Variants in CLPP observed in about 807,000 individuals in gnomAD.
CLPP encodes the protein caseinolytic mitochondrial matrix peptidase proteolytic subunit.
CLPP carries 14 observed loss-of-function variants against 27.4 expected under a neutral mutation model. The observed-to-expected ratio is 0.51, with a 90% CI of 0.34 to 0.80. The LOEUF (loss-of-function observed/expected upper bound fraction) is 0.80, where lower values mean the gene tolerates loss of function less well. Ranked by LOEUF, CLPP falls within the 30% of genes least tolerant of loss-of-function variation. The probability of loss-of-function intolerance (pLI) is 0.02; values close to 1 mark genes in which losing one functional copy is unlikely to be tolerated. For missense variants in CLPP, 361 were observed against 403.6 expected, an observed-to-expected ratio of 0.89 and a Z score of 0.90; for synonymous variants, 193 against 166.6, an observed-to-expected ratio of 1.16 and a Z score of -1.22.
In CLPP at chr19:6,368,899, C is replaced by A. The variant is rs2145055865; in HGVS notation, c.*189C>A. 3.3e-6 allele frequency: 2 copies of A among 603,068 alleles called. No individual in the cohort carries two copies. Among genetic ancestry groups the A allele is most frequent in the South Asian group, 4.0e-5 (2 of 49,936 alleles). The allele number at this position is 603,068 out of a possible 1,614,324, so 37.4% of individuals were successfully genotyped here. A position where few individuals can be genotyped will look rare whatever the true frequency, so the allele number is the denominator to read the frequency against. On this transcript the variant is annotated 3_prime_UTR_variant, in exon 6 of 6. Transcript: ENST00000245816. Reference sequence around the variant, plus strand: ...TGATTTTAAATTAAATCTTTGTGGTCTTTGCTCTGCGTCTGGGACACCCTC... The same window carrying A: ...TGATTTTAAATTAAATCTTTGTGGTATTTGCTCTGCGTCTGGGACACCCTC...
chr19:6,369,278 G>C lies in CLPP; in HGVS notation c.*568G>C, dbSNP rs1436798901. ...TCTACTAAAAATACAAAAATTAGCC[G>C]AGCGTGGTGCACCTGTAATCCCAGC... On this transcript the variant is annotated 3_prime_UTR_variant, in exon 6 of 6. Coordinates refer to ENST00000245816, the MANE Select transcript of CLPP (RefSeq NM_006012.4). Among the ~76,000 whole-genome samples the C allele has an allele frequency of 6.6e-6, 1 of 151,994 alleles. No homozygotes were observed. The highest frequency in any genetic ancestry group is 1.5e-5 in the Non-Finnish European group (1 of 68,014).
rs1261908393 is a variant in CLPP, at chr19:6,368,850, C to T, written c.*140C>T. On this transcript the variant is annotated 3_prime_UTR_variant, in exon 6 of 6. Coordinates refer to ENST00000245816, the MANE Select transcript of CLPP (RefSeq NM_006012.4). ...AATTTGCAGGGGTGCCCGCTATGGA[C>T]GGGGCATTCCAGCTGAGACACTGTG... 22 of 690,858 alleles carry T rather than the reference C, an allele frequency of 3.2e-5. No homozygotes were observed. Among genetic ancestry groups the T allele is most frequent in the Middle Eastern group, 4.1e-4 (1 of 2,458 alleles). 42.8% of individuals were successfully genotyped at this position (690,858 alleles called of 1,614,324 possible). A position where few individuals can be genotyped will look rare whatever the true frequency, so the allele number is the denominator to read the frequency against.
chr19:6,362,395 ACT>A (rs752524972), intron 2 of CLPP, 49 bp from the exon 3 acceptor site: 63 of 1,340,776 alleles, frequency 4.7e-5, no homozygotes, highest in African/African-American at 2.4e-4. Context: ...CTCCCTTAAA[ACT>A]CTCTCCCCAC....
At chr19:6,366,186 C>T (rs745811744) in intron 4 of CLPP, 72 bp from the exon 5 acceptor site, 1 of 1,039,762 alleles carries the variant, frequency 9.6e-7, no homozygotes, top group Non-Finnish European at 1.5e-6. Flanking sequence ...CTGAGTGCCA[C>T]CTCCAGCCTC....
intron 3 of CLPP, 121 bp from the exon 4 acceptor site, chr19:6,364,329 CAT>C (rs2091850800): frequency 2.3e-6 from 2 of 882,994 alleles, no homozygotes; most frequent in Non-Finnish European, 3.4e-6. Flanking sequence ...AGCGCCCAGT[CAT>C]ATTAATTTTT....
Position 6,369,189 on chromosome 19 carries a change from G to A in CLPP, c.*479G>A, listed in dbSNP as rs775501220. 3.9e-5 allele frequency among the ~76,000 whole-genome samples: 6 copies of A among 152,166 alleles called. No individual in the cohort carries two copies. The highest frequency in any genetic ancestry group is 7.2e-5 in the African/African-American group (3 of 41,442). On this transcript the variant is annotated 3_prime_UTR_variant, in exon 6 of 6. Coordinates refer to ENST00000245816, the MANE Select transcript of CLPP (RefSeq NM_006012.4). ...TGTAATCCCAGCACTTTGGGAGCCCGAGGCAGGCGGATCATGAGGTCAGGA... is the reference window on the plus strand; with the variant it reads ...TGTAATCCCAGCACTTTGGGAGCCCAAGGCAGGCGGATCATGAGGTCAGGA...
rs1382873137 is a variant in CLPP at position 6,361,704 on chromosome 19, C to T, written c.130C>T (p.Leu44=). The T allele has an allele frequency of 2.7e-6, 4 of 1,503,810 alleles. No individual in the cohort carries two copies. The highest frequency in any genetic ancestry group is 2.5e-5 in the South Asian group (2 of 78,634). The allele number at this position is 1,503,810 out of a possible 1,614,324, so 93.2% of individuals were successfully genotyped here. A position where few individuals can be genotyped will look rare whatever the true frequency, so the allele number is the denominator to read the frequency against. ...PQRTLQNGLA[L]QRCLHATATR... The stretch of plus-strand genomic sequence containing the variant: ...GCGGACACTCCAGAACGGCCTGGCC[C>T]TGCAGCGGTGCCTGCACGCGACGGC... Residue 44 remains leucine, a synonymous_variant, in exon 1 of 6, where the codon CTG becomes TTG. Transcript: ENST00000245816.
chr19:6,367,389 A>C (rs2091867981), intron 5 of CLPP, among the ~76,000 whole-genome samples: 1 of 151,970 alleles, frequency 6.6e-6, no homozygotes, highest in Admixed American at 6.6e-5. Context: ...AAAAAAAAAA[A>C]AAAAAAGTGA....
In CLPP at chr19:6,369,383, T is replaced by C. The variant is rs8109609; in HGVS notation, c.*673T>C. On this transcript the variant is annotated 3_prime_UTR_variant, in exon 6 of 6. Coordinates refer to ENST00000245816, the MANE Select transcript of CLPP (RefSeq NM_006012.4). ...GTGAGCAGGATCACGCCACTGCCCT[T>C]TAGCCTGGGCAACAGAGCAAGGCTC... Among the ~76,000 whole-genome samples the C allele has an allele frequency of 0.33, 49,784 of 149,950 alleles. 14,013 individuals carry two copies. The highest frequency in any genetic ancestry group is 0.77 in the African/African-American group (31,298 of 40,698).
rs1315767577 is a variant in CLPP, at chr19:6,362,550, G to A, written c.367+8G>A. Reference sequence around the variant, plus strand: ...TGTACATCAACAGCCCTGGTGAGCAGGGTCTTTCCTGGGTGCCAGGGGCAC... The same window carrying A: ...TGTACATCAACAGCCCTGGTGAGCAAGGTCTTTCCTGGGTGCCAGGGGCAC... On this transcript the variant is annotated splice_region_variant and intron_variant, in intron 3 of 5. Transcript: ENST00000245816. The A allele has an allele frequency of 1.9e-6, 3 of 1,606,200 alleles. No individual in the cohort carries two copies. The highest frequency in any genetic ancestry group is 2.2e-5 in the South Asian group (2 of 90,934).
rs1303164104 is a variant in CLPP, at chr19:6,368,736, T to C, written c.*26T>C. On this transcript the variant is annotated 3_prime_UTR_variant, in exon 6 of 6. Transcript: ENST00000245816. ...GAGCTGGGCCTCCTCTCCAGAATCA[T>C]GTGGAGGGGCCAGAGGCCTGCCAGA... 1.9e-6 allele frequency: 3 copies of C among 1,546,698 alleles called. No individual in the cohort carries two copies. The highest frequency in any genetic ancestry group is 2.0e-5 in the Admixed American group (1 of 50,882).
Position 6,361,646 on chromosome 19 carries a change from C to T in CLPP, c.72C>T (p.Leu24=). ...GGTACCCCGCGCTGGGGCCTCGCCT[C>T]GCCGCTCACTTTCCAGCGCAGCGGC... ...SCRYPALGPR[L]AAHFPAQRPP... The change falls in exon 1 of 6, where the codon CTC becomes CTT. Residue 24 remains leucine (L), a synonymous_variant. Coordinates refer to ENST00000245816, the MANE Select transcript of CLPP (RefSeq NM_006012.4). 7.0e-7 allele frequency: 1 copy of T among 1,420,056 alleles called. No individual in the cohort carries two copies. Among genetic ancestry groups the T allele is most frequent in the Non-Finnish European group, 9.2e-7 (1 of 1,086,880 alleles). 88.0% of individuals were successfully genotyped at this position (1,420,056 alleles called of 1,614,324 possible). A position where few individuals can be genotyped will look rare whatever the true frequency, so the allele number is the denominator to read the frequency against.
At position 6,369,078 on chromosome 19, in the gene CLPP, G is replaced by A. The variant is rs1307511753; in HGVS notation, c.*368G>A. 1.3e-5 allele frequency among the ~76,000 whole-genome samples: 2 copies of A among 152,030 alleles called. No homozygotes were observed. Among genetic ancestry groups the A allele is most frequent in the African/African-American group, 4.8e-5 (2 of 41,386 alleles). On this transcript the variant is annotated 3_prime_UTR_variant, in exon 6 of 6. Transcript: ENST00000245816. ...GTGTTCTTTTGTGAAGAAGACACAA[G>A]AAACCCTCCTCAAAAGAGCTCCATT...
intron 5 of CLPP, among the ~76,000 whole-genome samples, chr19:6,367,008 G>A (rs947343356): frequency 2.6e-5 from 4 of 151,960 alleles, no homozygotes; most frequent in African/African-American, 9.7e-5. Flanking sequence ...GGAGGCTGAA[G>A]TGGGAGGATC....
Position 6,369,473 on chromosome 19 carries a change from TAC to T in CLPP, c.*765_*766del, listed in dbSNP as rs368392393. On this transcript the variant is annotated 3_prime_UTR_variant, in exon 6 of 6. Coordinates refer to ENST00000245816, the MANE Select transcript of CLPP (RefSeq NM_006012.4). ...CATGCAAGTGTGAGGGTAAGCGTGT[TAC>T]AGTTTTTTATGGGGTAATCAGGGAA... 1.3e-3 allele frequency among the ~76,000 whole-genome samples: 203 copies of T among 150,396 alleles called. No individual in the cohort carries two copies. Among genetic ancestry groups the T allele is most frequent in the African/African-American group, 4.9e-3 (199 of 40,858 alleles).
intron 4 of CLPP, among the ~76,000 whole-genome samples, 154 bp from the exon 5 acceptor site, chr19:6,366,104 C>A (rs2091860993): frequency 6.6e-6 from 1 of 152,168 alleles, no homozygotes; most frequent in South Asian, 2.1e-4. Context: ...AAGACTGAAG[C>A]AGGATATCGG....
rs2091836211 is a variant in CLPP at position 6,361,911 on chromosome 19, C to G, written c.241C>G (p.Arg81Gly). 1 of 1,598,012 alleles carries G rather than the reference C, an allele frequency of 6.3e-7. No homozygotes were observed. Among genetic ancestry groups the G allele is most frequent in the African/African-American group, 1.3e-5 (1 of 74,738 alleles). The change falls in exon 2 of 6, where the codon CGG becomes GGG. Residue 81 changes from arginine to glycine, a missense_variant. Around this residue, in one of 2 missense-constraint regions of CLPP, gnomAD observed 213 missense variants for 280.9 expected, o/e 0.76. Coordinates refer to ENST00000245816, the MANE Select transcript of CLPP (RefSeq NM_006012.4). ...CTATGACATCTACTCGCGGCTGCTG[C>G]GGGAGCGCATCGTGTGCGTCATGGG... ...RAYDIYSRLL[R>G]ERIVCVMGPI... is the part of the protein sequence containing the mutation.
rs1314273659 is a variant in CLPP, at chr19:6,361,919, C to T, written c.249C>T (p.Arg83=). The T allele has an allele frequency of 6.3e-7, 1 of 1,598,068 alleles. No homozygotes were observed. The highest frequency in any genetic ancestry group is 8.5e-7 in the Non-Finnish European group (1 of 1,179,334). ...YDIYSRLLRE[R]IVCVMGPIDD... is the part of the protein sequence containing the mutation. ...TCTACTCGCGGCTGCTGCGGGAGCG[C>T]ATCGTGTGCGTCATGGGCCCGGTGA... The change falls in exon 2 of 6, where the codon CGC becomes CGT. Residue 83 remains arginine (R), a synonymous_variant. Coordinates refer to ENST00000245816, the MANE Select transcript of CLPP (RefSeq NM_006012.4).
At chr19:6,362,021 C>G (rs1376062378) in intron 2 of CLPP, 81 bp downstream of exon 2, 1 of 1,316,516 alleles carries the variant, frequency 7.6e-7, no homozygotes, top group African/African-American at 1.4e-5. Context: ...TTCCCTGGCC[C>G]CAGACTTTCC....
Sources: allele counts gnomAD v4.1 joint callset (sites outside exome capture counted in the v4.1 genomes callset), GRCh38; gene constraint gnomAD v4.1.1; regional missense constraint gnomAD v4.1.1; transcripts MANE v1.5; gene names NCBI Gene and HGNC (gene_info 2026-07-23, HGNC 2026-07-21).